The following COL26A1 variants were observed in gnomAD, a reference collection of about 807,000 sequenced individuals.
COL26A1 encodes the protein collagen alpha-1(XXVI) chain.
A neutral mutation model predicts 59.3 loss-of-function variants in COL26A1; 41 were observed. That is an observed-to-expected ratio of 0.69 (90% CI 0.54 to 0.90). The LOEUF (loss-of-function observed/expected upper bound fraction) is 0.90, where lower values mean the gene tolerates loss of function less well. Ranked by LOEUF, COL26A1 falls within the 40% of genes least tolerant of loss-of-function variation. The pLI, the probability that COL26A1 is intolerant of heterozygous loss-of-function variation, is 0.00. For missense variants in COL26A1, 612 were observed against 602.3 expected (o/e 1.02, Z -0.17); for synonymous variants, 266 against 256.0 (o/e 1.04, Z -0.37).
chr7:101,509,075 G>C (rs1794868987), intron 3 of COL26A1, among the ~76,000 whole-genome samples: 2 of 152,182 alleles, frequency 1.3e-5, no homozygotes, highest in Non-Finnish European at 2.9e-5. Context: ...AGTGGCAGAA[G>C]GTGAAGGGGG....
chr7:101,496,755 G>A (rs762024223), intron 3 of COL26A1, among the ~76,000 whole-genome samples: 5 of 152,048 alleles, frequency 3.3e-5, no homozygotes, highest in Non-Finnish European at 5.9e-5. Context: ...GCGTGATGGC[G>A]CGTGCCTGTA....
intron 1 of COL26A1, 25 bp from the exon 2 acceptor site, chr7:101,419,952 C>T: frequency 1.2e-6 from 2 of 1,611,774 alleles, no homozygotes; most frequent in Non-Finnish European, 8.5e-7. Flanking sequence ...AGGCAGGGCT[C>T]ATGTGACTGT....
intron 1 of COL26A1, among the ~76,000 whole-genome samples, chr7:101,370,546 A>G (rs1204897911): frequency 1.3e-5 from 2 of 151,372 alleles, no homozygotes; most frequent in East Asian, 2.0e-4. Context: ...AATTTTTTGT[A>G]TTTTTAGAAG....
At chr7:101,412,209 G>A (rs1378750618) in intron 1 of COL26A1, among the ~76,000 whole-genome samples, 1 of 152,068 alleles carries the variant, frequency 6.6e-6, no homozygotes, top group African/African-American at 2.4e-5. Context: ...CATAAGACAT[G>A]CCCACCAGTG....
At chr7:101,529,129 G>A (rs1171486951) in intron 3 of COL26A1, among the ~76,000 whole-genome samples, 1 of 152,148 alleles carries the variant, frequency 6.6e-6, no homozygotes, top group Non-Finnish European at 1.5e-5. Context: ...TTGTACCACT[G>A]CACTTCAGCC....
intron 3 of COL26A1, among the ~76,000 whole-genome samples, chr7:101,463,644 A>ATCCTTCCAGCCTTCCT (rs1793671758): frequency 4.1e-5 from 1 of 24,472 alleles, no homozygotes; most frequent in African/African-American, 1.7e-4. Context: ...CCTTCCTTCC[A>ATCCTTCCAGCCTTCCT]TCCTTCCATC....
At chr7:101,418,353 C>T (rs1030344025) in intron 1 of COL26A1, among the ~76,000 whole-genome samples, 4 of 152,170 alleles carry the variant, frequency 2.6e-5, no homozygotes, top group African/African-American at 9.6e-5. Context: ...GTGTTTCTGG[C>T]TGTGATTTTT....
chr7:101,415,749 C>A (rs1375526485), intron 1 of COL26A1, among the ~76,000 whole-genome samples: 1 of 152,150 alleles, frequency 6.6e-6, no homozygotes, highest in African/African-American at 2.4e-5. Context: ...CCTGCCTCAG[C>A]CTCCCGAGTA....
At chr7:101,394,154 A>G (rs1791798850) in intron 1 of COL26A1, among the ~76,000 whole-genome samples, 1 of 152,226 alleles carries the variant, frequency 6.6e-6, no homozygotes, top group Admixed American at 6.6e-5. Flanking sequence ...AGAGGGTAGC[A>G]AGAGGGCCAG....
chr7:101,460,828 T>G (rs1445704914), intron 3 of COL26A1, among the ~76,000 whole-genome samples: 1 of 151,884 alleles, frequency 6.6e-6, no homozygotes, highest in Non-Finnish European at 1.5e-5. Context: ...TCATTGCGTC[T>G]ACATCATTCT....
intron 3 of COL26A1, among the ~76,000 whole-genome samples, chr7:101,459,231 C>T (rs996316969): frequency 2.4e-4 from 37 of 152,178 alleles, no homozygotes; most frequent in African/African-American, 8.9e-4. Context: ...GGCCGCTAGT[C>T]TCTGGGCTGG....
At chr7:101,411,831 G>A (rs1562967051) in intron 1 of COL26A1, among the ~76,000 whole-genome samples, 1 of 152,148 alleles carries the variant, frequency 6.6e-6, no homozygotes, top group Non-Finnish European at 1.5e-5. Flanking sequence ...GCCCTGGCAA[G>A]GCCTTGGGGC....
chr7:101,392,008 G>C (rs1791742236), intron 1 of COL26A1, among the ~76,000 whole-genome samples: 1 of 152,100 alleles, frequency 6.6e-6, no homozygotes, highest in South Asian at 2.1e-4. Flanking sequence ...ATGAGCCACA[G>C]CACCTGGCCT....
intron 3 of COL26A1, among the ~76,000 whole-genome samples, chr7:101,522,921 A>G (rs372004352): frequency 1.2e-4 from 19 of 152,118 alleles, no homozygotes; most frequent in African/African-American, 4.3e-4. Context: ...TTTCCCTGAT[A>G]TGGCAAATGA....
chr7:101,553,221 T>A, intron 10 of COL26A1, 105 bp from the exon 11 acceptor site: 1 of 1,031,978 alleles, frequency 9.7e-7, no homozygotes, highest in South Asian at 1.4e-5. Flanking sequence ...AGGCCCTGCC[T>A]GCCCAGCCTG....
intron 2 of COL26A1, among the ~76,000 whole-genome samples, chr7:101,427,238 T>C (rs1281940136): frequency 6.6e-6 from 1 of 152,194 alleles, no homozygotes; most frequent in Non-Finnish European, 1.5e-5. Context: ...AAAAATTTTG[T>C]TTTTTGTAGA....
rs373941775 is a variant in COL26A1, at chr7:101,385,367, G to GTATATATATATATATA, written c.158+22181_158+22196dup. On this transcript the variant is annotated intron_variant, in intron 1 of 12. Transcript: ENST00000313669. ...TATATATATGTGTATATATATGTGT[G>GTATATATATATATATA]TATATATATATATATATATTTGTGA... 3.3e-3 allele frequency among the ~76,000 whole-genome samples: 458 copies of GTATATATATATATATA among 136,992 alleles called. 5 individuals are homozygous for GTATATATATATATATA. Among genetic ancestry groups the GTATATATATATATATA allele is most frequent in the African/African-American group, 9.2e-3 (364 of 39,378 alleles). 89.9% of individuals were successfully genotyped at this position (136,992 alleles called of 152,430 possible).
At position 101,500,285 on chromosome 7, in the gene COL26A1, C is replaced by T. The variant is rs77104016; in HGVS notation, c.386-32797C>T. Among the ~76,000 whole-genome samples the T allele has an allele frequency of 7.9e-5, 12 of 152,330 alleles. No individual in the cohort carries two copies. The East Asian group carries it at 2.3e-3, about 29-fold the overall frequency. On this transcript the variant is annotated intron_variant, in intron 3 of 12. Transcript: ENST00000313669. ...AGGACATCTGTACTTGCTGTGGTCT[C>T]TCCTCCTCTCTGGGCTACAAGGCTC... is the stretch of plus-strand genomic sequence containing the variant.
chr7:101,488,349 A>AATTTATATATATATATAT (rs1491342922), intron 3 of COL26A1, among the ~76,000 whole-genome samples: 38 of 104,952 alleles, frequency 3.6e-4, no homozygotes, highest in African/African-American at 1.5e-3. Context: ...AATTTTATTT[A>AATTTATATATATATATAT]ATATATATAT....
Sources: gnomAD v4.1 joint callset for allele counts (sites outside exome capture counted in the v4.1 genomes callset) on GRCh38, gnomAD v4.1.1 for gene constraint, MANE v1.5 for transcripts, NCBI Gene and HGNC (gene_info 2026-07-23, HGNC 2026-07-21) for gene names.